Variants in CPEB2 observed in about 807,000 individuals in gnomAD.
CPEB2 encodes cytoplasmic polyadenylation element binding protein 2.
Under a neutral mutation model 93.6 loss-of-function variants are expected in CPEB2, and 56 were observed. The observed-to-expected ratio is 0.60, with a 90% CI of 0.48 to 0.75. CPEB2 has a LOEUF of 0.75. CPEB2 is among the 30% of genes least tolerant of loss of function. The probability of loss-of-function intolerance (pLI) is 0.00; values close to 1 mark genes in which losing one functional copy is unlikely to be tolerated. For synonymous variants in CPEB2, 764 were observed against 586.3 expected (o/e 1.30, Z -4.38); for missense variants, 1,579 against 1,395.1 (o/e 1.13, Z -2.10).
intron 6 of CPEB2, among the ~76,000 whole-genome samples, chr4:15,042,763 G>A (rs1259674294): frequency 6.6e-6 from 1 of 152,132 alleles, no homozygotes; most frequent in African/African-American, 2.4e-5. Flanking sequence ...GAATGACTCA[G>A]AAATGGCTAG....
chr4:15,004,041 C>A lies in CPEB2; in HGVS notation c.1368C>A (p.Ser456=). ...ENGFYPGLPS[S]MNPAFFPSFS... The stretch of plus-strand genomic sequence containing the variant: ...GCTTCTACCCCGGGCTGCCGTCGTC[C>A]ATGAACCCGGCCTTCTTCCCTAGCT... The change falls in exon 1 of 12, where the codon TCC becomes TCA. Residue 456 remains serine, a synonymous_variant. Transcript: ENST00000538197. 6.4e-7 allele frequency: 1 copy of A among 1,565,354 alleles called. No homozygotes were observed. The highest frequency in any genetic ancestry group is 1.2e-5 in the South Asian group (1 of 86,542).
intron 2 of CPEB2, 22 bp downstream of exon 2, chr4:15,007,608 C>A (rs1874207): frequency 6.8e-7 from 1 of 1,461,768 alleles, no homozygotes; most frequent in Non-Finnish European, 9.2e-7. Context: ...ATGTAAATGA[C>A]CTTATCTCTA....
intron 4 of CPEB2, among the ~76,000 whole-genome samples, chr4:15,020,479 A>G (rs1724688110): frequency 1.3e-5 from 2 of 152,186 alleles, no homozygotes; most frequent in African/African-American, 4.8e-5. Flanking sequence ...TTGTGCTAAC[A>G]GAAGCACCTT....
chr4:15,003,087 G>A lies in CPEB2; in HGVS notation c.414G>A (p.Gln138=). 5 of 1,532,454 alleles carry A rather than the reference G, an allele frequency of 3.3e-6. No individual in the cohort carries two copies. Among genetic ancestry groups the A allele is most frequent in the Non-Finnish European group, 4.4e-6 (5 of 1,145,776 alleles). 94.9% of individuals were successfully genotyped at this position (1,532,454 alleles called of 1,614,324 possible). A position where few individuals can be genotyped will look rare whatever the true frequency, so the allele number is the denominator to read the frequency against. The change falls in exon 1 of 12, where the codon CAG becomes CAA. Residue 138 remains glutamine (Q), a synonymous_variant. Coordinates refer to ENST00000538197, the MANE Select transcript of CPEB2 (RefSeq NM_001177382.2). ...GTGTGACCCACCTCCTCCCCTCCCAGGACTTCAAACCGAGTCTGCACCACC... is the reference window on the plus strand; with the variant it reads ...GTGTGACCCACCTCCTCCCCTCCCAAGACTTCAAACCGAGTCTGCACCACC... ...IAGVTHLLPS[Q]DFKPSLHHPS...
In CPEB2 at chr4:15,003,411, G is replaced by A. The variant is rs1335078160; in HGVS notation, c.738G>A (p.Pro246=). ...TCCTGCATCAGCAGCACCTCTCGCC[G>A]CAGGACTTCGCCCCGCGGCAGCGTC... The part of the protein sequence containing the change: ...FSLLHQQHLS[P]QDFAPRQRPA... Residue 246 remains proline (P), a synonymous_variant, in exon 1 of 12, where the codon CCG becomes CCA. Coordinates refer to ENST00000538197, the MANE Select transcript of CPEB2 (RefSeq NM_001177382.2). 7.4e-7 allele frequency: 1 copy of A among 1,359,802 alleles called. No individual in the cohort carries two copies. The highest frequency in any genetic ancestry group is 9.4e-7 in the Non-Finnish European group (1 of 1,066,758). The allele number at this position is 1,359,802 out of a possible 1,614,324, so 84.2% of individuals were successfully genotyped here.
At position 15,002,893 on chromosome 4, in the gene CPEB2, G is replaced by C. The variant is rs1722149058; in HGVS notation, c.220G>C (p.Gly74Arg). The C allele has an allele frequency of 6.6e-7, 1 of 1,512,334 alleles. No homozygotes were observed. The highest frequency in any genetic ancestry group is 2.3e-5 in the Admixed American group (1 of 43,352). 93.7% of individuals were successfully genotyped at this position (1,512,334 alleles called of 1,614,324 possible). ...PFSVPLGGGA[G>R]SPAAAASSSS... ...CTCCGTCCCCCTCGGCGGCGGCGCG[G>C]GCAGCCCGGCCGCCGCCGCTTCCTC... Residue 74 changes from glycine to arginine, a missense_variant, in exon 1 of 12, where the codon GGC becomes CGC. By Grantham distance (125) the Gly-to-Arg change is moderately radical. Around this residue, in one of 2 missense-constraint regions of CPEB2, gnomAD observed 1,411 missense variants for 1,056.0 expected, o/e 1.34. Transcript: ENST00000538197.
chr4:15,043,013 G>C (rs1243458672), intron 6 of CPEB2, among the ~76,000 whole-genome samples: 1 of 152,162 alleles, frequency 6.6e-6, no homozygotes, highest in African/African-American at 2.4e-5. Context: ...CTAAAAATAA[G>C]TCATGGCTCT....
At chr4:15,052,270 A>T (rs945893551) in intron 6 of CPEB2, 144 bp from the exon 7 acceptor site, 3 of 493,942 alleles carry the variant, frequency 6.1e-6, no homozygotes, top group African/African-American at 4.0e-5. Flanking sequence ...TTAAAACCAC[A>T]TGCTATTTAA....
chr4:15,026,676 ATTAAGCAT>A lies in CPEB2; in HGVS notation c.2126-6482_2126-6475del, dbSNP rs1231446896. 2.6e-5 allele frequency among the ~76,000 whole-genome samples: 4 copies of A among 152,242 alleles called. No homozygotes were observed. In the East Asian group the frequency reaches 7.7e-4, roughly 29 times the overall value. On this transcript the variant is annotated intron_variant, in intron 4 of 11. Transcript: ENST00000538197. ...AGCCCAGTAAATTATTGGTTAAATG[ATTAAGCAT>A]TTTCTCATAATTCATACTCTTCAAA...
rs1347401885 is a variant in CPEB2, at chr4:15,069,496, G to A, written c.*3116G>A. ...TAAATCCAGAAATCTTTGTACTGAT[G>A]TAAATGATTGTAGTTATTTTGGATA... On this transcript the variant is annotated 3_prime_UTR_variant, in exon 12 of 12. Transcript: ENST00000538197. 6.6e-6 allele frequency: 1 copy of A among 152,184 alleles called. No homozygotes were observed. Among genetic ancestry groups the A allele is most frequent in the Non-Finnish European group, 1.5e-5 (1 of 67,842 alleles). The allele number at this position is 152,184 out of a possible 1,614,324, so 9.4% of individuals were successfully genotyped here.
At chr4:15,059,432 A>G (rs1728998039) in intron 10 of CPEB2, 131 bp downstream of exon 10, 3 of 479,656 alleles carry the variant, frequency 6.3e-6, no homozygotes, top group Non-Finnish European at 1.1e-5. Flanking sequence ...GCATGCACCA[A>G]TTGCTGCTAA....
At chr4:15,027,547 C>T (rs1002607649) in intron 4 of CPEB2, among the ~76,000 whole-genome samples, 2 of 152,186 alleles carry the variant, frequency 1.3e-5, no homozygotes. Flanking sequence ...GTAATGACCA[C>T]ATTCTAAGTG....
chr4:15,004,402 G>A (rs1405141744), intron 1 of CPEB2, 67 bp downstream of exon 1: 18 of 1,229,232 alleles, frequency 1.5e-5, no homozygotes, highest in Admixed American at 3.9e-5. Context: ...CGGAGGCGGG[G>A]GCAGGGCAGC....
chr4:15,005,045 T>A (rs1487479372), intron 1 of CPEB2: 1 of 152,094 alleles, frequency 6.6e-6, no homozygotes, highest in Non-Finnish European at 1.5e-5. Flanking sequence ...ATCAACCTGC[T>A]GGCAGCGCCG....
rs1400605873 is a variant in CPEB2, at chr4:15,003,189, G to A, written c.516G>A (p.Gln172=). Reference sequence around the variant, plus strand: ...AGGACTTCAGTAAGCGGCAGCAGCAGCAGCTGAGCAGCCAGAAGAGGAAAG... The same window carrying A: ...AGGACTTCAGTAAGCGGCAGCAGCAACAGCTGAGCAGCCAGAAGAGGAAAG... ...SPQDFSKRQQ[Q]QLSSQKRKEF... is the part of the protein sequence containing the mutation. The change falls in exon 1 of 12, where the codon CAG becomes CAA. Residue 172 remains glutamine (Q), a synonymous_variant. Transcript: ENST00000538197. 6 of 1,534,106 alleles carry A rather than the reference G, an allele frequency of 3.9e-6. No individual in the cohort carries two copies. Among genetic ancestry groups the A allele is most frequent in the South Asian group, 1.2e-5 (1 of 84,018 alleles).
chr4:15,036,982 A>G (rs1443615992), intron 5 of CPEB2, among the ~76,000 whole-genome samples: 1 of 152,102 alleles, frequency 6.6e-6, no homozygotes, highest in Non-Finnish European at 1.5e-5. Context: ...TGGAGGAGAT[A>G]AGCTTTCTTT....
At position 15,058,542 on chromosome 4, in the gene CPEB2, A is replaced by G. The variant is rs781064256; in HGVS notation, c.2580+3A>G. 1.3e-6 allele frequency: 2 copies of G among 1,499,584 alleles called. No homozygotes were observed. Among genetic ancestry groups the G allele is most frequent in the Non-Finnish European group, 1.9e-6 (2 of 1,080,514 alleles). 92.9% of individuals were successfully genotyped at this position (1,499,584 alleles called of 1,614,324 possible). On this transcript the variant is annotated splice_donor_region_variant and intron_variant, in intron 9 of 11. Coordinates refer to ENST00000538197, the MANE Select transcript of CPEB2 (RefSeq NM_001177382.2). Reference sequence around the variant, plus strand: ...GCCCTACTATCAAGGACAAACCAGTAAGTAAATACCACATGAACTTCAGGC... The same window carrying G: ...GCCCTACTATCAAGGACAAACCAGTGAGTAAATACCACATGAACTTCAGGC...
At chr4:15,039,169 G>A (rs984005816) in intron 5 of CPEB2, among the ~76,000 whole-genome samples, 2 of 152,156 alleles carry the variant, frequency 1.3e-5, no homozygotes, top group Non-Finnish European at 2.9e-5. Context: ...CAATGGCAGC[G>A]ATGCAAATGA....
chr4:15,045,074 G>A (rs1727529569), intron 6 of CPEB2, among the ~76,000 whole-genome samples: 1 of 152,024 alleles, frequency 6.6e-6, no homozygotes, highest in African/African-American at 2.4e-5. Flanking sequence ...ATGGCCTTTG[G>A]AATATTTCTC....
Sources: allele counts gnomAD v4.1 joint callset (sites outside exome capture counted in the v4.1 genomes callset), GRCh38; gene constraint gnomAD v4.1.1; regional missense constraint gnomAD v4.1.1; transcripts MANE v1.5; gene names NCBI Gene and HGNC (gene_info 2026-07-23, HGNC 2026-07-21).